GALNT14: variants seen among roughly 807,000 people sequenced by gnomAD.
GALNT14 encodes polypeptide N-acetylgalactosaminyltransferase 14.
Under a neutral mutation model 77.5 loss-of-function variants are expected in GALNT14, and 60 were observed. That is an observed-to-expected ratio of 0.77 (90% CI 0.63 to 0.96). The LOEUF (loss-of-function observed/expected upper bound fraction) is 0.96, where lower values mean the gene tolerates loss of function less well. Ranked by LOEUF, GALNT14 falls within the 40% of genes least tolerant of loss-of-function variation. GALNT14 has a pLI of 0.00. For synonymous variants in GALNT14, 280 were observed against 281.7 expected, an observed-to-expected ratio of 0.99 and a Z score of 0.06; for missense variants, 710 against 731.0, an observed-to-expected ratio of 0.97 and a Z score of 0.33.
the GALNT14 span, among the ~76,000 whole-genome samples, chr2:30,904,631 G>A: frequency 6.6e-6 from 1 of 152,250 alleles, no homozygotes; most frequent in African/African-American, 2.4e-5. Flanking sequence ...GCGAGGCTGG[G>A]GGAGGGGCGC....
At chr2:30,981,470 G>T (rs1322697938) in intron 2 of GALNT14, among the ~76,000 whole-genome samples, 1 of 152,210 alleles carries the variant, frequency 6.6e-6, no homozygotes, top group African/African-American at 2.4e-5. Flanking sequence ...TGTCAAATCA[G>T]CCTACATGTG....
intron 1 of GALNT14, among the ~76,000 whole-genome samples, chr2:31,036,589 T>G (rs1349182497): frequency 6.6e-6 from 1 of 152,238 alleles, no homozygotes; most frequent in Non-Finnish European, 1.5e-5. Context: ...GTAGTTACCT[T>G]TACTACTGTT....
At chr2:30,919,647 C>A (rs1213925716) in intron 13 of GALNT14, among the ~76,000 whole-genome samples, 1 of 152,238 alleles carries the variant, frequency 6.6e-6, no homozygotes, top group African/African-American at 2.4e-5. Flanking sequence ...CAGCCAGTTA[C>A]TTTACCTGCG....
chr2:31,112,570 G>A (rs1677896916), intron 1 of GALNT14, among the ~76,000 whole-genome samples: 1 of 152,180 alleles, frequency 6.6e-6, no homozygotes, highest in Admixed American at 6.5e-5. Context: ...AAAGAAAAAG[G>A]CCAACATCCA....
At chr2:30,963,274 C>T (rs1424129129) in intron 3 of GALNT14, among the ~76,000 whole-genome samples, 2 of 152,194 alleles carry the variant, frequency 1.3e-5, no homozygotes, top group Non-Finnish European at 2.9e-5. Context: ...AGAGGAGCCG[C>T]GCTGTACCTC....
intron 1 of GALNT14, among the ~76,000 whole-genome samples, chr2:31,006,850 G>C (rs1465398271): frequency 2.0e-5 from 3 of 152,266 alleles, no homozygotes; most frequent in Non-Finnish European, 4.4e-5. Flanking sequence ...CCAGCTTTCA[G>C]CTGAGCAGAA....
chr2:31,031,495 C>G (rs1336135829), intron 1 of GALNT14, among the ~76,000 whole-genome samples: 1 of 152,138 alleles, frequency 6.6e-6, no homozygotes. Flanking sequence ...TCCAGTCTAT[C>G]TTTGCATGGC....
At chr2:30,986,670 A>G (rs2148389955) in intron 2 of GALNT14, among the ~76,000 whole-genome samples, 1 of 152,356 alleles carries the variant, frequency 6.6e-6, no homozygotes, top group African/African-American at 2.4e-5. Context: ...CTAACATATG[A>G]ACAGCAGAAC....
intron 1 of GALNT14, 151 bp downstream of exon 1, chr2:31,137,807 C>A: frequency 1.0e-6 from 1 of 1,001,078 alleles, no homozygotes. Flanking sequence ...AATCCAGAAA[C>A]ATCACATGGT....
chr2:31,073,483 AG>A (rs576718838), intron 1 of GALNT14, among the ~76,000 whole-genome samples: 19 of 97,856 alleles, frequency 1.9e-4, no homozygotes, highest in African/African-American at 7.2e-4. Flanking sequence ...TGGGGAATAA[AG>A]AGGGGGGGGG....
chr2:31,076,904 T>A (rs1195910501), intron 1 of GALNT14, among the ~76,000 whole-genome samples: 1 of 152,090 alleles, frequency 6.6e-6, no homozygotes, highest in Non-Finnish European at 1.5e-5. Flanking sequence ...AGCCCCAAAG[T>A]TAGGGACGCT....
chr2:30,898,765 G>A, the GALNT14 span, among the ~76,000 whole-genome samples: 13 of 152,164 alleles, frequency 8.5e-5, no homozygotes, highest in Non-Finnish European at 1.6e-4. Context: ...CTGGGGAGGG[G>A]TTGGCAGAGG....
chr2:30,998,087 C>T lies in GALNT14; in HGVS notation c.130-5080G>A, dbSNP rs893290416. ...CAACATGGATGGATATTATGCTAAGCGAAATAAGCCAGGCACAGAAAGACT... is the reference window on the plus strand; with the variant it reads ...CAACATGGATGGATATTATGCTAAGTGAAATAAGCCAGGCACAGAAAGACT... On this transcript the variant is annotated intron_variant, in intron 1 of 14. Coordinates refer to ENST00000349752, the MANE Select transcript of GALNT14 (RefSeq NM_024572.4). 4.6e-5 allele frequency among the ~76,000 whole-genome samples: 7 copies of T among 152,196 alleles called. No homozygotes were observed. In the East Asian group the frequency reaches 5.8e-4, roughly 13 times the overall value.
intron 1 of GALNT14, among the ~76,000 whole-genome samples, chr2:31,072,278 CACAT>C (rs1386837994): frequency 1.5e-5 from 1 of 67,146 alleles, no homozygotes; most frequent in African/African-American, 1.1e-4. Flanking sequence ...CACACACACA[CACAT>C]ACACACACAC....
intron 1 of GALNT14, among the ~76,000 whole-genome samples, chr2:30,994,132 G>A (rs1331876217): frequency 6.6e-6 from 1 of 152,204 alleles, no homozygotes; most frequent in South Asian, 2.1e-4. Context: ...TGCTGATCAG[G>A]TTCTGATTGG....
intron 2 of GALNT14, among the ~76,000 whole-genome samples, chr2:30,972,855 G>T (rs1302605544): frequency 6.6e-6 from 1 of 152,206 alleles, no homozygotes; most frequent in African/African-American, 2.4e-5. Context: ...ATGGGAAACC[G>T]CTGGTGGGCT....
chr2:31,005,622 A>G (rs1011844692), intron 1 of GALNT14, among the ~76,000 whole-genome samples: 4 of 152,168 alleles, frequency 2.6e-5, no homozygotes, highest in Admixed American at 6.5e-5. Context: ...CAGTCAGTCA[A>G]TTTAAGTTTA....
At chr2:30,944,248 C>A (rs1311385346) in intron 8 of GALNT14, among the ~76,000 whole-genome samples, 1 of 152,178 alleles carries the variant, frequency 6.6e-6, no homozygotes, top group Non-Finnish European at 1.5e-5. Flanking sequence ...CTACCCCAAG[C>A]CCTCAGTTGG....
chr2:30,999,435 C>G (rs977485904), intron 1 of GALNT14, among the ~76,000 whole-genome samples: 2 of 152,094 alleles, frequency 1.3e-5, no homozygotes, highest in Admixed American at 1.3e-4. Context: ...ATAATATTTC[C>G]CAGATCTTCC....
Sources: gnomAD v4.1 joint callset for allele counts (sites outside exome capture counted in the v4.1 genomes callset) on GRCh38, gnomAD v4.1.1 for gene constraint, MANE v1.5 for transcripts, NCBI Gene and HGNC (gene_info 2026-07-23, HGNC 2026-07-21) for gene names.